The following ALMS1 variants were observed in gnomAD, a reference collection of about 807,000 sequenced individuals.
ALMS1 encodes the protein ALMS1 centrosome and basal body associated protein.
A neutral mutation model predicts 352.2 loss-of-function variants in ALMS1; 271 were observed. That is an observed-to-expected ratio of 0.77 (90% CI 0.70 to 0.85). ALMS1 has a LOEUF of 0.85. Ranked by LOEUF, ALMS1 falls within the 40% of genes least tolerant of loss-of-function variation. The pLI is 0.00. For missense variants in ALMS1, 5,445 were observed against 4,870.7 expected, an observed-to-expected ratio of 1.12 and a Z score of -3.51; for synonymous variants, 1,865 against 1,761.2, an observed-to-expected ratio of 1.06 and a Z score of -1.48.
intron 1 of ALMS1, among the ~76,000 whole-genome samples, chr2:73,401,810 A>G (rs72809998): frequency 6.6e-6 from 1 of 152,030 alleles, no homozygotes; most frequent in Non-Finnish European, 1.5e-5. Context: ...CATACCTGCA[A>G]CTTTGAATCC....
At chr2:73,471,191 C>T (rs1453433736) in intron 9 of ALMS1, among the ~76,000 whole-genome samples, 2 of 146,902 alleles carry the variant, frequency 1.4e-5, no homozygotes, top group East Asian at 3.9e-4. Context: ...TGCTGTCTTC[C>T]TTTGTGATTT....
At position 73,391,294 on chromosome 2, in the gene ALMS1, C is replaced by CTTTTTTTTTTTTT. The variant is rs397972016; in HGVS notation, c.324+5107_324+5119dup. 7.8e-4 allele frequency among the ~76,000 whole-genome samples: 90 copies of CTTTTTTTTTTTTT among 114,906 alleles called. 6 individuals are homozygous for CTTTTTTTTTTTTT. Among genetic ancestry groups the CTTTTTTTTTTTTT allele is most frequent in the Admixed American group, 1.9e-3 (19 of 10,122 alleles). The allele number at this position is 114,906 out of a possible 152,430, so 75.4% of individuals were successfully genotyped here. On this transcript the variant is annotated intron_variant, in intron 1 of 22. Coordinates refer to ENST00000613296, the MANE Select transcript of ALMS1 (RefSeq NM_001378454.1). ...TTAACCTATTCATATACGTTTTATTCTTTTTTTTTTTTTTTTTGAGACGGA... is the reference window on the plus strand; with the variant it reads ...TTAACCTATTCATATACGTTTTATTCTTTTTTTTTTTTTTTTTTTTTTTTTTTTTTGAGACGGA...
chr2:73,392,159 A>G (rs907933630), intron 1 of ALMS1, among the ~76,000 whole-genome samples: 1 of 151,642 alleles, frequency 6.6e-6, no homozygotes, highest in Admixed American at 6.6e-5. Flanking sequence ...ACAGCTCTTG[A>G]TTTAAGTTTC....
rs1389845011 is a variant in ALMS1, at chr2:73,490,883, G to T, written c.8924G>T (p.Gly2975Val). Reference protein sequence around the residue: ...SLEQCQSKAPGVDDQMNKHHF... With the variant: ...SLEQCQSKAPVVDDQMNKHHF... Reference sequence around the variant, plus strand: ...GAACAATGCCAAAGCAAAGCGCCAGGTGTAGATGACCAAATGAATAAACAC... The same window carrying T: ...GAACAATGCCAAAGCAAAGCGCCAGTTGTAGATGACCAAATGAATAAACAC... The change falls in exon 10 of 23, where the codon GGT becomes GTT. Residue 2975 changes from glycine to valine, a missense_variant. Coordinates refer to ENST00000613296, the MANE Select transcript of ALMS1 (RefSeq NM_001378454.1). 6.2e-7 allele frequency: 1 copy of T among 1,613,848 alleles called. No individual in the cohort carries two copies. Among genetic ancestry groups the T allele is most frequent in the Non-Finnish European group, 8.5e-7 (1 of 1,179,996 alleles).
At chr2:73,473,122 T>C (rs1672501706) in intron 9 of ALMS1, among the ~76,000 whole-genome samples, 2 of 152,056 alleles carry the variant, frequency 1.3e-5, no homozygotes, top group South Asian at 4.1e-4. Context: ...GAGAAGACCC[T>C]AAGCTTTCAC....
chr2:73,488,864 T>C (rs1672913423), intron 9 of ALMS1, among the ~76,000 whole-genome samples: 1 of 152,240 alleles, frequency 6.6e-6, no homozygotes, highest in Admixed American at 6.5e-5. Context: ...ACTGATCCTA[T>C]GCGCCAGGAA....
intron 9 of ALMS1, among the ~76,000 whole-genome samples, chr2:73,471,811 T>G (rs1672474291): frequency 1.3e-5 from 2 of 151,942 alleles, no homozygotes; most frequent in Non-Finnish European, 2.9e-5. Flanking sequence ...GTATGGAGAT[T>G]CCTTAAAAAA....
rs372652836 is a variant in ALMS1 at position 73,426,444 on chromosome 2, A to G, written c.1238-9A>G. The G allele has an allele frequency of 5.8e-5, 94 of 1,613,722 alleles. No homozygotes were observed. Among genetic ancestry groups the G allele is most frequent in the Non-Finnish European group, 7.2e-5 (85 of 1,179,780 alleles). On this transcript the variant is annotated splice_polypyrimidine_tract_variant and intron_variant, in intron 5 of 22. Transcript: ENST00000613296. ...CATACAATTATGCAAAATGACTCCT[A>G]TTTTGTAGAGGGCCTGCAGGGGAAG...
intron 12 of ALMS1, among the ~76,000 whole-genome samples, chr2:73,547,401 T>A (rs1674345155): frequency 6.6e-6 from 1 of 152,196 alleles, no homozygotes. Flanking sequence ...GACTGGCCCC[T>A]TTTTCAGTTA....
intron 12 of ALMS1, among the ~76,000 whole-genome samples, chr2:73,547,679 G>A (rs868164630): frequency 1.1e-4 from 17 of 152,202 alleles, no homozygotes; most frequent in Admixed American, 4.6e-4. Context: ...TAAAGTGTTC[G>A]GATTTTATTC....
intron 10 of ALMS1, among the ~76,000 whole-genome samples, chr2:73,495,364 A>G (rs1452707199): frequency 6.6e-6 from 1 of 152,078 alleles, no homozygotes; most frequent in Non-Finnish European, 1.5e-5. Context: ...CCTCCAGAGT[A>G]GCTGGGATTA....
At position 73,485,947 on chromosome 2, in the gene ALMS1, G is replaced by A. The variant is rs1404390442; in HGVS notation, c.7675-3687G>A. Among the ~76,000 whole-genome samples, 13 of 149,464 alleles carry A rather than the reference G, an allele frequency of 8.7e-5. 1 individual carries two copies. Among genetic ancestry groups the A allele is most frequent in the South Asian group, 2.1e-4 (1 of 4,828 alleles). On this transcript the variant is annotated intron_variant, in intron 9 of 22. Transcript: ENST00000613296. ...CTGCTTCGTCTCGCACACGGTGCGC[G>A]CACCCACTGACCTGCGCCCACTGTC... is the stretch of plus-strand genomic sequence containing the variant.
At chr2:73,602,156 G>C in intron 19 of ALMS1, 29 bp from the exon 20 acceptor site, 3 of 1,599,936 alleles carry the variant, frequency 1.9e-6, no homozygotes, top group Non-Finnish European at 2.6e-6. Context: ...ATCTGAGGCT[G>C]GGCATTTTCT....
At chr2:73,488,649 T>C (rs928989190) in intron 9 of ALMS1, among the ~76,000 whole-genome samples, 18 of 152,312 alleles carry the variant, frequency 1.2e-4, no homozygotes, top group African/African-American at 4.3e-4. Flanking sequence ...GCAGCTGGCA[T>C]CATTGCAGCA....
At position 73,519,874 on chromosome 2, in the gene ALMS1, A is replaced by T. The variant is rs566943393; in HGVS notation, c.9639A>T (p.Leu3213=). 3 of 1,614,044 alleles carry T rather than the reference A, an allele frequency of 1.9e-6. No individual in the cohort carries two copies. Among genetic ancestry groups the T allele is most frequent in the Non-Finnish European group, 2.5e-6 (3 of 1,179,958 alleles). ...QITTESPEKT[L]FSSEIFINAE... is the part of the protein sequence containing the mutation. Reference sequence around the variant, plus strand: ...CAACAGAAAGTCCAGAAAAGACCCTATTTTCATCTGAGATTTTTATTAATG... The same window carrying T: ...CAACAGAAAGTCCAGAAAAGACCCTTTTTTCATCTGAGATTTTTATTAATG... Residue 3213 remains leucine (L), a synonymous_variant, in exon 11 of 23, where the codon CTA becomes CTT. Coordinates refer to ENST00000613296, the MANE Select transcript of ALMS1 (RefSeq NM_001378454.1).
At chr2:73,545,340 C>G (rs1208253490) in intron 12 of ALMS1, among the ~76,000 whole-genome samples, 1 of 151,920 alleles carries the variant, frequency 6.6e-6, no homozygotes, top group African/African-American at 2.4e-5. Context: ...ACCACCACGC[C>G]CAGCTAATTT....
chr2:73,609,282 T>A (rs762257802), intron 22 of ALMS1, among the ~76,000 whole-genome samples: 2 of 152,236 alleles, frequency 1.3e-5, no homozygotes, highest in Non-Finnish European at 2.9e-5. Context: ...GTCTGGTGTG[T>A]CAGCATCGCA....
intron 10 of ALMS1, among the ~76,000 whole-genome samples, chr2:73,494,852 C>T (rs1673070417): frequency 1.3e-5 from 2 of 152,172 alleles, no homozygotes; most frequent in South Asian, 4.1e-4. Context: ...TTTTGTTAGA[C>T]TATACAAATA....
chr2:73,392,231 T>C (rs1670665275), intron 1 of ALMS1, among the ~76,000 whole-genome samples: 1 of 150,986 alleles, frequency 6.6e-6, no homozygotes, highest in African/African-American at 2.4e-5. Context: ...TCAGTTTTCA[T>C]CTTTTACTAT....
Sources: allele counts gnomAD v4.1 joint callset (sites outside exome capture counted in the v4.1 genomes callset), GRCh38; gene constraint gnomAD v4.1.1; transcripts MANE v1.5; gene names NCBI Gene and HGNC (gene_info 2026-07-23, HGNC 2026-07-21).